XDH: variants seen among roughly 807,000 people sequenced by gnomAD.
The protein encoded by XDH is xanthine dehydrogenase/oxidase.
A neutral mutation model predicts 156.1 loss-of-function variants in XDH; 138 were observed. That is an observed-to-expected ratio of 0.88 (90% confidence interval 0.77 to 1.02). The LOEUF is 1.02. XDH is among the 50% of genes least tolerant of loss of function. The pLI is 0.00. For missense variants in XDH, 1,849 were observed against 1,684.9 expected (o/e 1.10, Z -1.71); for synonymous variants, 669 against 625.7 (o/e 1.07, Z -1.03).
At chr2:31,362,405 C>T (rs536542279) in intron 24 of XDH, among the ~76,000 whole-genome samples, 60 of 152,314 alleles carry the variant, frequency 3.9e-4, no homozygotes, top group African/African-American at 1.2e-3. Flanking sequence ...GGAGCTCCTA[C>T]AAGAGCAGTA....
At chr2:31,411,995 G>A (rs540041196) in intron 1 of XDH, among the ~76,000 whole-genome samples, 12 of 149,820 alleles carry the variant, frequency 8.0e-5, no homozygotes, top group Non-Finnish European at 1.3e-4. Context: ...GAAAGTCACC[G>A]TGACGATCTC....
In XDH at chr2:31,375,379, C is replaced by T. The variant is rs376882470; in HGVS notation, c.1602+1G>A. 3.6e-5 allele frequency: 58 copies of T among 1,614,074 alleles called. No homozygotes were observed. Among genetic ancestry groups the T allele is most frequent in the African/African-American group, 5.3e-5 (4 of 74,924 alleles). ...CCTGTGCCTGGCCAGGCCCCACTCA[C>T]GTCTTCCAGGTTCTCTTGGCCCAGC... On this transcript the variant is annotated splice_donor_variant, in intron 15 of 35. Transcript: ENST00000379416. LOFTEE classifies it high-confidence loss of function.
intron 6 of XDH, among the ~76,000 whole-genome samples, chr2:31,389,239 G>T (rs140194771): frequency 6.6e-6 from 1 of 152,220 alleles, no homozygotes. Context: ...TTCACAACTC[G>T]TTGTCTTCTG....
chr2:31,406,946 G>A (rs1558318427), intron 1 of XDH, among the ~76,000 whole-genome samples: 1 of 152,122 alleles, frequency 6.6e-6, no homozygotes, highest in Non-Finnish European at 1.5e-5. Context: ...TGGAAAAAGT[G>A]GTCTAGAAAG....
chr2:31,339,681 C>T lies in XDH; in HGVS notation c.3586-4G>A. The T allele has an allele frequency of 1.2e-6, 2 of 1,613,988 alleles. No homozygotes were observed. The highest frequency in any genetic ancestry group is 8.5e-7 in the Non-Finnish European group (1 of 1,179,976). On this transcript the variant is annotated splice_region_variant and splice_polypyrimidine_tract_variant and intron_variant, in intron 33 of 35. Coordinates refer to ENST00000379416, the MANE Select transcript of XDH (RefSeq NM_000379.4). The stretch of plus-strand genomic sequence containing the variant: ...CCTGGACAAATGCCCCTTCCACCTG[C>T]AGGATGGATGGAGAGCACAGTTAGC...
rs142951412 is a variant in XDH, at chr2:31,365,995, C to G, written c.2437G>C (p.Val813Leu). 2.5e-4 allele frequency: 410 copies of G among 1,614,090 alleles called. No individual in the cohort carries two copies. The highest frequency in any genetic ancestry group is 3.2e-4 in the Non-Finnish European group (373 of 1,180,038). ...ACTCACTTATATGCAGCCAGGGCCACTGCCGTGGACACCACAGTGCTCCGG... is the reference window on the plus strand; with the variant it reads ...ACTCACTTATATGCAGCCAGGGCCAGTGCCGTGGACACCACAGTGCTCCGG... ...ETRSTVVSTA[V>L]ALAAYKTGRP... Residue 813 changes from valine to leucine, a missense_variant, in exon 22 of 36, where the codon GTG becomes CTG. Coordinates refer to ENST00000379416, the MANE Select transcript of XDH (RefSeq NM_000379.4).
At chr2:31,409,244 A>G (rs906910251) in intron 1 of XDH, among the ~76,000 whole-genome samples, 4 of 152,246 alleles carry the variant, frequency 2.6e-5, no homozygotes, top group African/African-American at 4.8e-5. Flanking sequence ...GAATAACTAC[A>G]GTCAATAATA....
chr2:31,349,321 T>A (rs1490121090), intron 26 of XDH, among the ~76,000 whole-genome samples: 1 of 152,200 alleles, frequency 6.6e-6, no homozygotes, highest in African/African-American at 2.4e-5. Flanking sequence ...ACTTTTCACA[T>A]GATGAAACTG....
chr2:31,362,317 T>C (rs751772775), intron 24 of XDH, among the ~76,000 whole-genome samples: 1 of 152,172 alleles, frequency 6.6e-6, no homozygotes, highest in Non-Finnish European at 1.5e-5. Flanking sequence ...CTGCAAGTCA[T>C]AGATGAAGAG....
At chr2:31,375,617 G>A in intron 14 of XDH, 63 bp from the exon 15 acceptor site, 1 of 1,571,734 alleles carries the variant, frequency 6.4e-7, no homozygotes, top group Non-Finnish European at 8.6e-7. Flanking sequence ...TTTGTGTAGA[G>A]CTGTGTGCCC....
At chr2:31,388,704 G>C (rs1276416972) in intron 6 of XDH, among the ~76,000 whole-genome samples, 1 of 152,172 alleles carries the variant, frequency 6.6e-6, no homozygotes, top group African/African-American at 2.4e-5. Context: ...AGGTTCTAGG[G>C]GCGTGGCTGG....
chr2:31,363,936 C>A lies in XDH; in HGVS notation c.2631+222G>T, dbSNP rs565030583. Among the ~76,000 whole-genome samples, 211 of 152,266 alleles carry A rather than the reference C, an allele frequency of 1.4e-3. 6 individuals are homozygous for A. In the South Asian group the frequency reaches 0.027, roughly 19 times the overall value. ...CATTGTAACTAACTTGCTAGCTTGGCAAATTATCTTGAACAGGAAGGATGG... is the reference window on the plus strand; with the variant it reads ...CATTGTAACTAACTTGCTAGCTTGGAAAATTATCTTGAACAGGAAGGATGG... On this transcript the variant is annotated intron_variant, in intron 24 of 35. Coordinates refer to ENST00000379416, the MANE Select transcript of XDH (RefSeq NM_000379.4).
intron 24 of XDH, among the ~76,000 whole-genome samples, chr2:31,359,892 A>G (rs144969244): frequency 3.0e-4 from 46 of 152,344 alleles, no homozygotes; most frequent in African/African-American, 1.0e-3. Flanking sequence ...AATGAGTGCC[A>G]TCAATGGGCT....
In XDH at chr2:31,339,647, G is replaced by A. The variant is rs1162627073; in HGVS notation, c.3616C>T (p.Leu1206Phe). Reference sequence around the variant, plus strand: ...TAGTGTAGCTCCTCTAGGGTGAAGAGGCCAAGGCCCTGGACAAATGCCCCT... The same window carrying A: ...TAGTGTAGCTCCTCTAGGGTGAAGAAGCCAAGGCCCTGGACAAATGCCCCT... ...VEGAFVQGLG[L>F]FTLEELHYSP... is the part of the protein sequence containing the mutation. Residue 1206 changes from leucine to phenylalanine, a missense_variant, in exon 34 of 36, where the codon CTC (leucine) becomes TTC (phenylalanine). Transcript: ENST00000379416. 5 of 1,614,176 alleles carry A rather than the reference G, an allele frequency of 3.1e-6. No homozygotes were observed. The highest frequency in any genetic ancestry group is 4.2e-6 in the Non-Finnish European group (5 of 1,180,030).
intron 13 of XDH, among the ~76,000 whole-genome samples, chr2:31,379,636 T>C (rs1251098298): frequency 2.0e-5 from 3 of 152,186 alleles, no homozygotes; most frequent in Admixed American, 6.5e-5. Flanking sequence ...ACCAAGTTTC[T>C]AGCTATCTGG....
At chr2:31,348,119 G>T in intron 28 of XDH, 149 bp downstream of exon 28, 1 of 824,208 alleles carries the variant, frequency 1.2e-6, no homozygotes, top group Non-Finnish European at 2.1e-6. Context: ...TCAAGTGGGG[G>T]AAAAGACTTG....
chr2:31,364,996 T>C (rs543508736), intron 23 of XDH, among the ~76,000 whole-genome samples: 31 of 152,258 alleles, frequency 2.0e-4, no homozygotes, highest in African/African-American at 7.5e-4. Flanking sequence ...CAGAGAGAAG[T>C]GTGGACCGTG....
chr2:31,389,944 A>T (rs1686718838), intron 6 of XDH, among the ~76,000 whole-genome samples: 1 of 152,132 alleles, frequency 6.6e-6, no homozygotes, highest in African/African-American at 2.4e-5. Context: ...ACATACACGC[A>T]CAACCTTTCT....
chr2:31,406,441 T>C (rs1434618954), intron 1 of XDH, among the ~76,000 whole-genome samples: 1 of 152,200 alleles, frequency 6.6e-6, no homozygotes, highest in Non-Finnish European at 1.5e-5. Flanking sequence ...CAGCCTCAGG[T>C]GTTTCTTTAT....
Sources: allele counts gnomAD v4.1 joint callset (sites outside exome capture counted in the v4.1 genomes callset), GRCh38; gene constraint gnomAD v4.1.1; transcripts MANE v1.5; gene names NCBI Gene and HGNC (gene_info 2026-07-23, HGNC 2026-07-21).